DGKB: variants seen among roughly 807,000 people sequenced by gnomAD.
DGKB encodes diacylglycerol kinase beta.
A neutral mutation model predicts 114.3 loss-of-function variants in DGKB; 67 were observed. That is an observed-to-expected ratio of 0.59 (90% confidence interval 0.48 to 0.72). DGKB has a LOEUF of 0.72. Among genes scored for constraint, DGKB ranks in the 30% least tolerant of loss-of-function variants. The probability of loss-of-function intolerance (pLI) is 0.00; values close to 1 mark genes in which losing one functional copy is unlikely to be tolerated. For synonymous variants in DGKB, 398 were observed against 323.1 expected (o/e 1.23, Z -2.49); for missense variants, 907 against 975.2 (o/e 0.93, Z 0.93).
At chr7:14,713,720 A>G (rs1043539905) in intron 6 of DGKB, among the ~76,000 whole-genome samples, 1 of 151,714 alleles carries the variant, frequency 6.6e-6, no homozygotes, top group Non-Finnish European at 1.5e-5. Context: ...ATAGTTTCTA[A>G]GGTTAATACT....
At chr7:14,442,654 G>A (rs1786403096) in intron 21 of DGKB, among the ~76,000 whole-genome samples, 1 of 152,064 alleles carries the variant, frequency 6.6e-6, no homozygotes, top group Non-Finnish European at 1.5e-5. Flanking sequence ...TCTGTTGTAA[G>A]AGTTTTAATA....
chr7:14,281,940 CA>C lies in DGKB; in HGVS notation c.2122+56574del, dbSNP rs1800025573. ...ATCCAAAATTGACAGCCTAACATCA[CA>C]ATTAAAAGAACTAGAAAAGCAAGAG... On this transcript the variant is annotated intron_variant, in intron 23 of 25. Transcript: ENST00000402815. 5.2e-5 allele frequency among the ~76,000 whole-genome samples: 7 copies of C among 135,860 alleles called. No individual in the cohort carries two copies. The South Asian group carries it at 1.9e-3, about 36-fold the overall frequency. 89.1% of individuals were successfully genotyped at this position (135,860 alleles called of 152,430 possible).
chr7:14,218,070 T>A (rs1158787815), intron 23 of DGKB, among the ~76,000 whole-genome samples: 1 of 152,142 alleles, frequency 6.6e-6, no homozygotes, highest in Non-Finnish European at 1.5e-5. Flanking sequence ...AAGGGTAGAT[T>A]CATATGAAAA....
chr7:14,198,744 C>G (rs1236245837), intron 23 of DGKB, among the ~76,000 whole-genome samples: 1 of 151,778 alleles, frequency 6.6e-6, no homozygotes, highest in South Asian at 2.1e-4. Flanking sequence ...ACAGTGTATC[C>G]TAGATATTGT....
intron 23 of DGKB, among the ~76,000 whole-genome samples, chr7:14,186,865 G>A (rs113222081): frequency 6.6e-5 from 10 of 151,762 alleles, no homozygotes; most frequent in Admixed American, 6.6e-4. Context: ...TGGGGACTTG[G>A]GGGGAAGAGT....
chr7:14,844,430 G>A (rs1002436374), intron 1 of DGKB, among the ~76,000 whole-genome samples: 19 of 152,312 alleles, frequency 1.2e-4, no homozygotes, highest in African/African-American at 4.3e-4. Context: ...GGAGCACACA[G>A]CAATAGGTTG....
chr7:14,517,003 T>C (rs1369304511), intron 20 of DGKB, among the ~76,000 whole-genome samples: 4 of 152,096 alleles, frequency 2.6e-5, no homozygotes, highest in South Asian at 4.1e-4. Context: ...GTCAAGTTGA[T>C]CCTAAGCAAA....
At chr7:14,759,314 C>T (rs1329599042) in intron 2 of DGKB, among the ~76,000 whole-genome samples, 1 of 152,126 alleles carries the variant, frequency 6.6e-6, no homozygotes, top group East Asian at 1.9e-4. Context: ...TAATTTTTAG[C>T]ATATTCATGA....
rs67135250 is a variant in DGKB at position 14,825,016 on chromosome 7, G to GTATATATATA, written c.70+16168_70+16177dup. Among the ~76,000 whole-genome samples, 55 of 92,364 alleles carry GTATATATATA rather than the reference G, an allele frequency of 6.0e-4. 1 individual carries two copies. Among genetic ancestry groups the GTATATATATA allele is most frequent in the South Asian group, 1.2e-3 (3 of 2,490 alleles). The allele number at this position is 92,364 out of a possible 152,430, so 60.6% of individuals were successfully genotyped here. A position where few individuals can be genotyped will look rare whatever the true frequency, so the allele number is the denominator to read the frequency against. On this transcript the variant is annotated intron_variant, in intron 2 of 25. Coordinates refer to ENST00000402815, the MANE Select transcript of DGKB (RefSeq NM_001350709.2). ...TGTGTATATATATATGTATGTGTAT[G>GTATATATATA]TATATATATATATATATATATATAT...
chr7:14,259,403 CTCTCTA>C (rs775353764), intron 23 of DGKB, among the ~76,000 whole-genome samples: 17,885 of 109,808 alleles, frequency 0.16, 1,178 homozygotes, highest in Non-Finnish European at 0.21. Flanking sequence ...CTCTCTCTCT[CTCTCTA>C]TATATATATA....
chr7:14,953,307 C>T (rs543424848), intron 1 of DGKB, among the ~76,000 whole-genome samples: 1 of 152,028 alleles, frequency 6.6e-6, no homozygotes, highest in South Asian at 2.1e-4. Context: ...AATTATTTAC[C>T]TGATAAAGGA....
chr7:14,836,420 G>C (rs758958365), intron 2 of DGKB, among the ~76,000 whole-genome samples: 4 of 152,062 alleles, frequency 2.6e-5, no homozygotes, highest in Non-Finnish European at 5.9e-5. Flanking sequence ...CAAATAAAAA[G>C]CTAACCCTAA....
intron 23 of DGKB, among the ~76,000 whole-genome samples, chr7:14,291,423 T>C (rs927904341): frequency 1.2e-4 from 19 of 152,186 alleles, no homozygotes; most frequent in African/African-American, 4.6e-4. Context: ...ATTTATGCTT[T>C]AAGTAGCCAT....
chr7:14,446,797 G>A (rs1010689185), intron 21 of DGKB, among the ~76,000 whole-genome samples: 1 of 152,142 alleles, frequency 6.6e-6, no homozygotes, highest in Non-Finnish European at 1.5e-5. Context: ...TTAATGCCAT[G>A]CTCTAATCCA....
chr7:14,150,418 C>A (rs1782021206), intron 25 of DGKB, among the ~76,000 whole-genome samples: 1 of 152,040 alleles, frequency 6.6e-6, no homozygotes, highest in East Asian at 1.9e-4. Context: ...ATCACGTGGA[C>A]AGGATCATTA....
intron 15 of DGKB, among the ~76,000 whole-genome samples, chr7:14,618,396 C>T (rs546742774): frequency 1.5e-4 from 22 of 151,564 alleles, no homozygotes; most frequent in Admixed American, 2.0e-4. Flanking sequence ...AAACTAGATT[C>T]GTTACTTCTT....
chr7:14,927,624 A>T (rs915478046), intron 1 of DGKB, among the ~76,000 whole-genome samples: 18 of 152,056 alleles, frequency 1.2e-4, no homozygotes, highest in African/African-American at 2.9e-4. Flanking sequence ...ATATACTTTT[A>T]AAAAGGTGTA....
chr7:14,284,536 A>T (rs1355561407), intron 23 of DGKB, among the ~76,000 whole-genome samples: 1 of 143,862 alleles, frequency 7.0e-6, no homozygotes, highest in Non-Finnish European at 1.5e-5. Context: ...ACTATAAATC[A>T]TGCTGCTATA....
At chr7:14,946,297 A>G (rs993769940) in intron 1 of DGKB, among the ~76,000 whole-genome samples, 1 of 151,648 alleles carries the variant, frequency 6.6e-6, no homozygotes, top group Non-Finnish European at 1.5e-5. Context: ...CAGAGTTTTA[A>G]GGAAAAAAAG....
Sources: allele counts gnomAD v4.1 joint callset (sites outside exome capture counted in the v4.1 genomes callset), GRCh38; gene constraint gnomAD v4.1.1; transcripts MANE v1.5; gene names NCBI Gene and HGNC (gene_info 2026-07-23, HGNC 2026-07-21).